Variants in ADGRL1 observed in about 807,000 individuals in gnomAD.
ADGRL1 encodes adhesion G protein-coupled receptor L1.
A neutral mutation model predicts 148.9 loss-of-function variants in ADGRL1; 31 were observed. That is an observed-to-expected ratio of 0.21 (90% CI 0.16 to 0.28). The LOEUF (loss-of-function observed/expected upper bound fraction) is 0.28. Ranked by LOEUF, ADGRL1 falls within the 10% of genes least tolerant of loss-of-function variation. The pLI, the probability that ADGRL1 is intolerant of heterozygous loss-of-function variation, is 1.00. For synonymous variants in ADGRL1, 937 were observed against 900.3 expected (o/e 1.04, Z -0.73); for missense variants, 1,521 against 2,058.8 (o/e 0.74, Z 5.05).
At chr19:14,167,073 A>C (rs1453719062) in intron 4 of ADGRL1, 1 of 1,546,838 alleles carries the variant, frequency 6.5e-7, no homozygotes, top group Admixed American at 1.8e-5. Flanking sequence ...AAATTGAAAA[A>C]AAAAATGTGC....
At position 14,150,930 on chromosome 19, in the gene ADGRL1, G is replaced by T. The variant is rs772106570; in HGVS notation, c.4353C>A (p.Gly1451=). ...CCCCATCGGGCCCTGGCCCCTCAAG[G>T]CCTGGGGCTGCCAGGTAGCCCTCGT... The part of the protein sequence containing the change: ...PSHEGYLAAP[G]LEGPGPDGDG... Residue 1451 remains glycine, a synonymous_variant, in exon 23 of 23, where the codon GGC becomes GGA. Coordinates refer to ENST00000361434, the MANE Select transcript of ADGRL1 (RefSeq NM_014921.5). 1 of 1,611,402 alleles carries T rather than the reference G, an allele frequency of 6.2e-7. No homozygotes were observed. Among genetic ancestry groups the T allele is most frequent in the Admixed American group, 1.7e-5 (1 of 59,854 alleles).
Position 14,160,370 on chromosome 19 carries a change from G to T in ADGRL1, c.1615-73C>A. ...CCATCCTGCCCTCCCCGGCTTCCCT[G>T]GCCTGTGCAGCCTCTCCTATCTCTC... is the stretch of plus-strand genomic sequence containing the variant. On this transcript the variant is annotated intron_variant, in intron 7 of 22. Coordinates refer to ENST00000361434, the MANE Select transcript of ADGRL1 (RefSeq NM_014921.5). This position sits in a 1 kb window ranked among gnomAD's most constrained non-coding sequence, Gnocchi z 5.9. 7.2e-7 allele frequency: 1 copy of T among 1,387,560 alleles called. No individual in the cohort carries two copies. The highest frequency in any genetic ancestry group is 9.9e-7 in the Non-Finnish European group (1 of 1,013,450). The allele number at this position is 1,387,560 out of a possible 1,614,324, so 86.0% of individuals were successfully genotyped here.
chr19:14,161,464 G>A lies in ADGRL1; in HGVS notation c.1358C>T (p.Thr453Ile), dbSNP rs1190551398. The A allele has an allele frequency of 6.8e-7, 1 of 1,464,380 alleles. No individual in the cohort carries two copies. Among genetic ancestry groups the A allele is most frequent in the African/African-American group, 1.5e-5 (1 of 68,724 alleles). The allele number at this position is 1,464,380 out of a possible 1,614,324, so 90.7% of individuals were successfully genotyped here. A position where few individuals can be genotyped will look rare whatever the true frequency, so the allele number is the denominator to read the frequency against. Residue 453 changes from threonine (T) to isoleucine (I), a missense_variant, in exon 6 of 23, where the codon ACA (threonine) becomes ATA (isoleucine). Coordinates refer to ENST00000361434, the MANE Select transcript of ADGRL1 (RefSeq NM_014921.5). This position sits in a 1 kb window ranked among gnomAD's most constrained non-coding sequence, Gnocchi z 4.4. ...NQLGPDLPPA[T>I]APVPSTRRPP... The stretch of plus-strand genomic sequence containing the variant: ...CCGCCGGGTGCTGGGGACTGGGGCT[G>A]TGGCTGGAGGCAGATCAGGTCCCAG...
intron 1 of ADGRL1, among the ~76,000 whole-genome samples, chr19:14,193,047 G>A (rs757288420): frequency 5.6e-4 from 85 of 152,124 alleles, no homozygotes; most frequent in Non-Finnish European, 9.1e-4. Flanking sequence ...GGGGGACCAC[G>A]CCTGACCCCC....
rs1166987303 is a variant in ADGRL1 at position 14,184,634 on chromosome 19, A to AT, written c.-95-938dup. ...TATTTATTTATTTATTTATTTATTT[A>AT]TTTATTTATTTATTTTTTTTTCTGA... On this transcript the variant is annotated intron_variant, in intron 1 of 22. Coordinates refer to ENST00000361434, the MANE Select transcript of ADGRL1 (RefSeq NM_014921.5). Among the ~76,000 whole-genome samples the AT allele has an allele frequency of 1.1e-3, 136 of 119,072 alleles. 3 individuals carry two copies. Among genetic ancestry groups the AT allele is most frequent in the African/African-American group, 5.1e-3 (123 of 24,278 alleles). 78.1% of individuals were successfully genotyped at this position (119,072 alleles called of 152,430 possible).
intron 1 of ADGRL1, among the ~76,000 whole-genome samples, chr19:14,187,190 T>G (rs1599495885): frequency 6.6e-6 from 1 of 151,922 alleles, no homozygotes; most frequent in Non-Finnish European, 1.5e-5. Flanking sequence ...TACCAAAAAA[T>G]TAGCCGGGCG....
In ADGRL1 at chr19:14,160,128, C is replaced by T. The variant is rs1245236127; in HGVS notation, c.1784G>A (p.Gly595Asp). The change falls in exon 8 of 23, where the codon GGC becomes GAC. Residue 595 changes from glycine to aspartate, a missense_variant. This residue lies in a region of ADGRL1 where 265 missense variants were observed against 431.9 expected (regional missense o/e 0.61). Coordinates refer to ENST00000361434, the MANE Select transcript of ADGRL1 (RefSeq NM_014921.5). The surrounding 1 kb of genome is among the most constrained non-coding windows in gnomAD (Gnocchi z 5.9). ...AGGCCCCACCTTGTTGTAGTTCTTGCCGGCTGACTCGCGCTCGATGGGCCG... is the reference window on the plus strand; with the variant it reads ...AGGCCCCACCTTGTTGTAGTTCTTGTCGGCTGACTCGCGCTCGATGGGCCG... ...ALRPIERESA[G>D]KNYNKMHKRE... 6.3e-7 allele frequency: 1 copy of T among 1,584,140 alleles called. No homozygotes were observed.
intron 11 of ADGRL1, among the ~76,000 whole-genome samples, chr19:14,158,782 C>T (rs1325628855): frequency 6.6e-6 from 1 of 152,212 alleles, no homozygotes; most frequent in Non-Finnish European, 1.5e-5. Context: ...CCAGGACACA[C>T]AAGCTGGGCC....
Position 14,159,329 on chromosome 19 carries a change from G to A in ADGRL1, c.2023+72C>T, listed in dbSNP as rs1259811511. On this transcript the variant is annotated intron_variant, in intron 10 of 22. Transcript: ENST00000361434. This position sits in a 1 kb window ranked among gnomAD's most constrained non-coding sequence, Gnocchi z 6.0. The stretch of plus-strand genomic sequence containing the variant: ...TGCCCAAGGGTCGGATAGCCCCCCT[G>A]TGGCCTCCAGGCCAGAACCCCGTGG... 6.4e-7 allele frequency: 1 copy of A among 1,571,402 alleles called. No homozygotes were observed. Among genetic ancestry groups the A allele is most frequent in the Non-Finnish European group, 8.7e-7 (1 of 1,154,686 alleles).
Position 14,155,983 on chromosome 19 carries a change from T to C in ADGRL1, c.3125+127A>G, listed in dbSNP as rs1968693007. The C allele has an allele frequency of 4.3e-6, 3 of 694,118 alleles. No individual in the cohort carries two copies. The highest frequency in any genetic ancestry group is 7.7e-6 in the Non-Finnish European group (3 of 389,144). 43.0% of individuals were successfully genotyped at this position (694,118 alleles called of 1,614,324 possible). Reference sequence around the variant, plus strand: ...GAACACAATAGAACACCCCTGTTGGTACTTAAAATTGCAATGTGTGTCACC... The same window carrying C: ...GAACACAATAGAACACCCCTGTTGGCACTTAAAATTGCAATGTGTGTCACC... On this transcript the variant is annotated intron_variant, in intron 17 of 22. Transcript: ENST00000361434. This position sits in a 1 kb window ranked among gnomAD's most constrained non-coding sequence, Gnocchi z 5.0.
intron 1 of ADGRL1, among the ~76,000 whole-genome samples, chr19:14,201,628 C>G (rs927035032): frequency 6.6e-6 from 1 of 152,034 alleles, no homozygotes; most frequent in African/African-American, 2.4e-5. Flanking sequence ...GTTGCCCAGG[C>G]TGATCTCAAA....
chr19:14,183,432 T>TA, intron 2 of ADGRL1, 101 bp downstream of exon 2: 1 of 1,144,998 alleles, frequency 8.7e-7, no homozygotes, highest in Non-Finnish European at 1.2e-6. Context: ...CAGGGGGCTG[T>TA]AATTCTTTAC....
intron 1 of ADGRL1, among the ~76,000 whole-genome samples, chr19:14,199,323 G>C (rs1340029555): frequency 7.2e-5 from 11 of 152,124 alleles, no homozygotes; most frequent in Admixed American, 5.9e-4. Context: ...GACACTGAGG[G>C]GCTGGGTACA....
chr19:14,173,324 G>A (rs907895215), intron 3 of ADGRL1, among the ~76,000 whole-genome samples: 1 of 152,134 alleles, frequency 6.6e-6, no homozygotes, highest in East Asian at 1.9e-4. Flanking sequence ...GAGCAGCGGT[G>A]TGATCATGGC....
At chr19:14,187,090 C>A (rs1297681195) in intron 1 of ADGRL1, among the ~76,000 whole-genome samples, 2 of 152,358 alleles carry the variant, frequency 1.3e-5, no homozygotes, top group South Asian at 2.1e-4. Flanking sequence ...GTAATCCCAG[C>A]ACTTTGGGAA....
chr19:14,157,474 CA>C lies in ADGRL1; in HGVS notation c.2536-15del, dbSNP rs748772892. ...GCGGCCCTGGTACTGGGGACAGGAA[CA>C]GGGGGCACGCTCAGGGCCTTTGGTT... On this transcript the variant is annotated splice_polypyrimidine_tract_variant and intron_variant, in intron 13 of 22. Coordinates refer to ENST00000361434, the MANE Select transcript of ADGRL1 (RefSeq NM_014921.5). This position sits in a 1 kb window ranked among gnomAD's most constrained non-coding sequence, Gnocchi z 7.5. 9 of 1,613,220 alleles carry C rather than the reference CA, an allele frequency of 5.6e-6. No homozygotes were observed. The highest frequency in any genetic ancestry group is 1.7e-5 in the Admixed American group (1 of 60,008).
rs189986477 is a variant in ADGRL1, at chr19:14,206,078, C to T, written c.-189G>A. On this transcript the variant is annotated 5_prime_UTR_variant, in exon 1 of 23. Coordinates refer to ENST00000361434, the MANE Select transcript of ADGRL1 (RefSeq NM_014921.5). ...CCCGGCACATCTCCCGGAGCCGGGG[C>T]TGGGGGGAAGCGGGTAGGAGGTGGC... 293 of 151,376 alleles carry T rather than the reference C, an allele frequency of 1.9e-3. No homozygotes were observed. Among genetic ancestry groups the T allele is most frequent in the Non-Finnish European group, 2.8e-3 (190 of 67,838 alleles). The allele number at this position is 151,376 out of a possible 1,614,324, so 9.4% of individuals were successfully genotyped here. A position where few individuals can be genotyped will look rare whatever the true frequency, so the allele number is the denominator to read the frequency against.
In ADGRL1 at chr19:14,159,773, T is replaced by C; in HGVS notation, c.1801A>G (p.Met601Val). 6.2e-7 allele frequency: 1 copy of C among 1,613,790 alleles called. No homozygotes were observed. The highest frequency in any genetic ancestry group is 8.5e-7 in the Non-Finnish European group (1 of 1,179,756). The change falls in exon 9 of 23, where the codon ATG (methionine) becomes GTG (valine). Residue 601 changes from methionine to valine, a missense_variant and splice_region_variant. Around this residue, in one of 8 missense-constraint regions of ADGRL1, gnomAD observed 265 missense variants for 431.9 expected, o/e 0.61. Transcript: ENST00000361434. This position sits in a 1 kb window ranked among gnomAD's most constrained non-coding sequence, Gnocchi z 6.0. ...RESAGKNYNK[M>V]HKRERTCKDY... is the part of the protein sequence containing the mutation. The stretch of plus-strand genomic sequence containing the variant: ...TTACAAGTTCTCTCTCGCTTGTGCA[T>C]CTAGAAAGAGATGGAGGTGATGTCA...
chr19:14,155,476 C>G lies in ADGRL1; in HGVS notation c.3177G>C (p.Trp1059Cys). ...TGTTGATGAAGAGGAGGCCGAAAGCCCAGGTGAGGCCCAGCAGGAACAGCA... is the reference window on the plus strand; with the variant it reads ...TGTTGATGAAGAGGAGGCCGAAAGCGCAGGTGAGGCCCAGCAGGAACAGCA... ...IALLFLLGLTWAFGLLFINKE... is the reference protein window; with the variant it reads ...IALLFLLGLTCAFGLLFINKE... The change falls in exon 18 of 23, where the codon TGG becomes TGC. Residue 1059 changes from tryptophan (W) to cysteine (C), a missense_variant. By Grantham distance (215) the Trp-to-Cys change is radical. Coordinates refer to ENST00000361434, the MANE Select transcript of ADGRL1 (RefSeq NM_014921.5). The surrounding 1 kb of genome is among the most constrained non-coding windows in gnomAD (Gnocchi z 5.0). 2 of 1,614,082 alleles carry G rather than the reference C, an allele frequency of 1.2e-6. No individual in the cohort carries two copies. Among genetic ancestry groups the G allele is most frequent in the South Asian group, 2.2e-5 (2 of 91,088 alleles).
Sources: allele counts gnomAD v4.1 joint callset (sites outside exome capture counted in the v4.1 genomes callset), GRCh38; gene constraint gnomAD v4.1.1; regional missense constraint gnomAD v4.1.1; non-coding constraint Gnocchi (gnomAD v3.1); transcripts MANE v1.5; gene names NCBI Gene and HGNC (gene_info 2026-07-23, HGNC 2026-07-21).